ARHGAP31: variants seen among roughly 807,000 people sequenced by gnomAD.
ARHGAP31 encodes rho GTPase-activating protein 31.
ARHGAP31 carries 34 observed loss-of-function variants against 113.9 expected under a neutral mutation model. The ratio of observed to expected loss-of-function variants is 0.30; its 90% CI spans 0.23 to 0.40. The LOEUF (loss-of-function observed/expected upper bound fraction) is 0.40. Among genes scored for constraint, ARHGAP31 ranks in the 10% least tolerant of loss-of-function variants. ARHGAP31 has a pLI of 1.00. For missense variants in ARHGAP31, 1,548 were observed against 1,767.1 expected (o/e 0.88, Z 2.22); for synonymous variants, 650 against 684.8 (o/e 0.95, Z 0.79).
intron 3 of ARHGAP31, among the ~76,000 whole-genome samples, chr3:119,375,441 T>C (rs4688000): frequency 0.18 from 27,577 of 152,122 alleles, 2,710 homozygotes; most frequent in South Asian, 0.28. Flanking sequence ...TGCTCCTATA[T>C]AGATACCCAT....
intron 1 of ARHGAP31, among the ~76,000 whole-genome samples, chr3:119,362,445 C>G (rs1031314656): frequency 9.9e-5 from 15 of 152,118 alleles, no homozygotes; most frequent in African/African-American, 3.4e-4. Flanking sequence ...AAAAAATGTG[C>G]TAAAGAAAGA....
intron 1 of ARHGAP31, among the ~76,000 whole-genome samples, chr3:119,311,977 G>A (rs1191631019): frequency 1.3e-5 from 2 of 152,170 alleles, no homozygotes; most frequent in Admixed American, 1.3e-4. Context: ...CAGTACAGCA[G>A]GATCAACATT....
At chr3:119,335,125 C>T (rs561268380) in intron 1 of ARHGAP31, among the ~76,000 whole-genome samples, 3 of 152,242 alleles carry the variant, frequency 2.0e-5, no homozygotes, top group Non-Finnish European at 2.9e-5. Context: ...CTAAGCCCAG[C>T]CAACAAAAGT....
intron 1 of ARHGAP31, among the ~76,000 whole-genome samples, chr3:119,328,246 GA>G (rs1359743992): frequency 6.6e-6 from 1 of 152,030 alleles, no homozygotes; most frequent in Non-Finnish European, 1.5e-5. Flanking sequence ...GAGACATTAA[GA>G]GGGGGGAAAA....
chr3:119,398,661 G>C (rs1404611558), intron 8 of ARHGAP31, among the ~76,000 whole-genome samples: 4 of 152,208 alleles, frequency 2.6e-5, no homozygotes. Context: ...AATCTGTTCA[G>C]GGTGAAGCTA....
intron 4 of ARHGAP31, 30 bp downstream of exon 4, chr3:119,381,016 G>A (rs2080392216): frequency 6.3e-7 from 1 of 1,575,374 alleles, no homozygotes; most frequent in Admixed American, 1.7e-5. Context: ...GAAACGTGTG[G>A]CCTCTCAATG....
chr3:119,407,928 A>G (rs986235701), intron 10 of ARHGAP31, among the ~76,000 whole-genome samples: 3 of 152,240 alleles, frequency 2.0e-5, no homozygotes, highest in African/African-American at 7.2e-5. Context: ...AAAAAATTGC[A>G]TCTGTACTAA....
intron 1 of ARHGAP31, among the ~76,000 whole-genome samples, chr3:119,316,286 TGTTAAAGGAATATAAA>T (rs1229270304): frequency 6.6e-6 from 1 of 152,196 alleles, no homozygotes; most frequent in Non-Finnish European, 1.5e-5. Context: ...AATAGTGGGT[TGTTAAAGGAATATAAA>T]GTATGATCAA....
At chr3:119,306,707 C>T (rs2079633290) in intron 1 of ARHGAP31, among the ~76,000 whole-genome samples, 1 of 152,170 alleles carries the variant, frequency 6.6e-6, no homozygotes, top group Admixed American at 6.5e-5. Flanking sequence ...TCCAGTTCCT[C>T]AGGGATTTTA....
At chr3:119,315,749 C>T (rs527379195) in intron 1 of ARHGAP31, among the ~76,000 whole-genome samples, 4 of 152,312 alleles carry the variant, frequency 2.6e-5, no homozygotes, top group African/African-American at 9.6e-5. Context: ...GCTGTGGATG[C>T]TGACCAGCAG....
In ARHGAP31 at chr3:119,343,357, T is replaced by A. The variant is rs138143252; in HGVS notation, c.101-21959T>A. 1.8e-3 allele frequency among the ~76,000 whole-genome samples: 267 copies of A among 152,282 alleles called. 2 individuals carry two copies. The highest frequency in any genetic ancestry group is 6.2e-3 in the African/African-American group (257 of 41,556). ...TAAACTTCCCTCAGCCCCTAATTTC[T>A]CAACTGTAAAATGAGGACTGTTAAA... On this transcript the variant is annotated intron_variant, in intron 1 of 11. Transcript: ENST00000264245.
At chr3:119,324,746 C>A (rs1438264563) in intron 1 of ARHGAP31, 1 of 301,500 alleles carries the variant, frequency 3.3e-6, no homozygotes, top group African/African-American at 2.2e-5. Flanking sequence ...ACTCTCAACC[C>A]CTAGCCCTTA....
chr3:119,408,439 A>G lies in ARHGAP31; in HGVS notation c.1646-1057A>G, dbSNP rs564036075. Among the ~76,000 whole-genome samples the G allele has an allele frequency of 2.0e-5, 3 of 152,348 alleles. No individual in the cohort carries two copies. The South Asian group carries it at 6.2e-4, about 32-fold the overall frequency. ...CGGTGAGACACCTCAGAGTGAAGACACCAGTGTAAACAATGGCAATGAGTG... is the reference window on the plus strand; with the variant it reads ...CGGTGAGACACCTCAGAGTGAAGACGCCAGTGTAAACAATGGCAATGAGTG... On this transcript the variant is annotated intron_variant, in intron 10 of 11. Coordinates refer to ENST00000264245, the MANE Select transcript of ARHGAP31 (RefSeq NM_020754.4).
Position 119,416,514 on chromosome 3 carries a change from G to C in ARHGAP31, c.*250G>C. 1.9e-6 allele frequency: 1 copy of C among 528,078 alleles called. No individual in the cohort carries two copies. The highest frequency in any genetic ancestry group is 3.1e-5 in the Admixed American group (1 of 31,916). The allele number at this position is 528,078 out of a possible 1,614,324, so 32.7% of individuals were successfully genotyped here. A position where few individuals can be genotyped will look rare whatever the true frequency, so the allele number is the denominator to read the frequency against. On this transcript the variant is annotated 3_prime_UTR_variant, in exon 12 of 12. Transcript: ENST00000264245. ...GAGAGAAGGTTAGGTAAGGGGAGAG[G>C]ATGGAATGCTTGCCTCCAATGAACT...
chr3:119,398,121 G>A (rs1159976303), intron 8 of ARHGAP31, among the ~76,000 whole-genome samples: 1 of 151,926 alleles, frequency 6.6e-6, no homozygotes, highest in Non-Finnish European at 1.5e-5. Flanking sequence ...TTTTAAATTA[G>A]CCAGGTTTGT....
chr3:119,310,641 T>G (rs1420907923), intron 1 of ARHGAP31, among the ~76,000 whole-genome samples: 2 of 152,242 alleles, frequency 1.3e-5, no homozygotes, highest in Admixed American at 1.3e-4. Context: ...CCTGATGATC[T>G]GAGATGGAAC....
chr3:119,362,898 C>T (rs2080221996), intron 1 of ARHGAP31, among the ~76,000 whole-genome samples: 2 of 151,874 alleles, frequency 1.3e-5, no homozygotes, highest in African/African-American at 2.4e-5. Flanking sequence ...TCAGATTATA[C>T]ATTTATATTA....
chr3:119,388,742 T>G (rs546071567), intron 6 of ARHGAP31, among the ~76,000 whole-genome samples: 1 of 152,272 alleles, frequency 6.6e-6, no homozygotes, highest in Admixed American at 6.5e-5. Context: ...CCCCAGGCTT[T>G]AGCTTGGGCA....
At chr3:119,395,882 G>A (rs959205572) in intron 8 of ARHGAP31, among the ~76,000 whole-genome samples, 1 of 152,172 alleles carries the variant, frequency 6.6e-6, no homozygotes, top group African/African-American at 2.4e-5. Context: ...GAAGAGGACA[G>A]GTTGCCACAA....
Sources: allele counts gnomAD v4.1 joint callset (sites outside exome capture counted in the v4.1 genomes callset), GRCh38; gene constraint gnomAD v4.1.1; transcripts MANE v1.5; gene names NCBI Gene and HGNC (gene_info 2026-07-23, HGNC 2026-07-21).